PREX1: variants seen among roughly 807,000 people sequenced by gnomAD.
The protein encoded by PREX1 is phosphatidylinositol 3,4,5-trisphosphate-dependent Rac exchanger 1 protein.
In PREX1, 41 loss-of-function variants were observed where a neutral mutation model predicts 198.3. The ratio of observed to expected loss-of-function variants is 0.21; its 90% confidence interval spans 0.16 to 0.27. The LOEUF is 0.27. Among genes scored for constraint, PREX1 ranks in the 10% least tolerant of loss-of-function variants. PREX1 has a pLI of 1.00. For synonymous variants in PREX1, 843 were observed against 887.2 expected (o/e 0.95, Z 0.89); for missense variants, 1,620 against 2,200.7 (o/e 0.74, Z 5.28).
chr20:48,775,717 A>G (rs2090257979), intron 1 of PREX1, among the ~76,000 whole-genome samples: 1 of 152,130 alleles, frequency 6.6e-6, no homozygotes, highest in Admixed American at 6.5e-5. Context: ...ATGGCTTTAT[A>G]AGGTGCGGTT....
chr20:48,639,547 G>A (rs190301898), intron 30 of PREX1, among the ~76,000 whole-genome samples: 13 of 152,234 alleles, frequency 8.5e-5, no homozygotes, highest in Non-Finnish European at 1.6e-4. Context: ...GATAGAGACA[G>A]GGTCTCACTA....
At chr20:48,788,898 C>A (rs1395639721) in intron 1 of PREX1, among the ~76,000 whole-genome samples, 2 of 152,108 alleles carry the variant, frequency 1.3e-5, no homozygotes, top group African/African-American at 4.8e-5. Context: ...TGTGCTCAGC[C>A]CCCCTGCCAC....
At chr20:48,854,320 C>T in the PREX1 span, among the ~76,000 whole-genome samples, 26,322 of 152,156 alleles carry the variant, frequency 0.17, 2,350 homozygotes, top group Non-Finnish European at 0.19. Context: ...CAGAATTCTT[C>T]CTCCGGGAAG....
At chr20:48,698,839 C>T (rs2123063510) in intron 7 of PREX1, among the ~76,000 whole-genome samples, 1 of 152,334 alleles carries the variant, frequency 6.6e-6, no homozygotes, top group Non-Finnish European at 1.5e-5. Context: ...ATGTCCCAGG[C>T]ACACTCACAT....
At chr20:48,843,204 G>C in the PREX1 span, among the ~76,000 whole-genome samples, 1 of 152,284 alleles carries the variant, frequency 6.6e-6, no homozygotes, top group African/African-American at 2.4e-5. Context: ...AACCAGTTCA[G>C]GGAAAATACG....
At chr20:48,704,295 G>A (rs1227772314) in intron 6 of PREX1, among the ~76,000 whole-genome samples, 1 of 152,166 alleles carries the variant, frequency 6.6e-6, no homozygotes, top group African/African-American at 2.4e-5. Flanking sequence ...CTTTGCAATC[G>A]ATAGTCTAGA....
chr20:48,734,459 T>C (rs2090048130), intron 4 of PREX1, 87 bp downstream of exon 4: 7 of 1,142,984 alleles, frequency 6.1e-6, no homozygotes, highest in East Asian at 4.8e-5. Flanking sequence ...TTTGGCACCA[T>C]GGGGCAGCAT....
At chr20:48,646,301 C>T (rs1487143591) in intron 25 of PREX1, among the ~76,000 whole-genome samples, 2 of 152,220 alleles carry the variant, frequency 1.3e-5, no homozygotes, top group African/African-American at 4.8e-5. Flanking sequence ...TCAGTGACAA[C>T]CATTCAACCT....
chr20:48,883,922 C>T, the PREX1 span, among the ~76,000 whole-genome samples: 112 of 152,122 alleles, frequency 7.4e-4, no homozygotes, highest in Non-Finnish European at 1.4e-3. Context: ...GGGCAGATCA[C>T]GAGGTCAGCA....
At chr20:48,793,905 G>C (rs928006066) in intron 1 of PREX1, among the ~76,000 whole-genome samples, 1 of 152,202 alleles carries the variant, frequency 6.6e-6, no homozygotes, top group African/African-American at 2.4e-5. Flanking sequence ...CTAGGTCCAA[G>C]CCCTTCACAT....
At chr20:48,813,513 C>T (rs371964384) in intron 1 of PREX1, among the ~76,000 whole-genome samples, 16 of 152,230 alleles carry the variant, frequency 1.1e-4, no homozygotes, top group African/African-American at 3.6e-4. Context: ...TGTTGACTTG[C>T]CTGATTTTGT....
intron 1 of PREX1, among the ~76,000 whole-genome samples, chr20:48,757,577 C>T (rs909124441): frequency 6.6e-6 from 1 of 152,222 alleles, no homozygotes; most frequent in Non-Finnish European, 1.5e-5. Flanking sequence ...TGGAGCCTCA[C>T]CTTGCAAGTC....
chr20:48,813,143 G>A (rs1196277685), intron 1 of PREX1, among the ~76,000 whole-genome samples: 1 of 152,206 alleles, frequency 6.6e-6, no homozygotes, highest in Non-Finnish European at 1.5e-5. Flanking sequence ...CCCAGCATCT[G>A]GGCCAGGCAC....
At chr20:48,842,237 C>T in the PREX1 span, among the ~76,000 whole-genome samples, 3 of 152,098 alleles carry the variant, frequency 2.0e-5, no homozygotes, top group African/African-American at 4.8e-5. Context: ...GTGATTTAGG[C>T]GGCCACAGAC....
chr20:48,847,364 T>TAAAAAAAAAAA, the PREX1 span, among the ~76,000 whole-genome samples: 455 of 77,046 alleles, frequency 5.9e-3, 8 homozygotes, highest in African/African-American at 0.023. Flanking sequence ...CCTTCTCTTA[T>TAAAAAAAAAAA]AAAAAAAAAA....
chr20:48,865,686 T>A, the PREX1 span, among the ~76,000 whole-genome samples: 3 of 152,194 alleles, frequency 2.0e-5, no homozygotes, highest in Admixed American at 2.0e-4. Flanking sequence ...TCAACCTCTC[T>A]GTGCTCCAGT....
At position 48,733,705 on chromosome 20, in the gene PREX1, CTGTTGTTGT is replaced by C. The variant is rs71337454; in HGVS notation, c.519+832_519+840del. 2.1e-3 allele frequency among the ~76,000 whole-genome samples: 314 copies of C among 151,198 alleles called. 1 individual carries two copies. The highest frequency in any genetic ancestry group is 7.4e-3 in the African/African-American group (303 of 41,102). On this transcript the variant is annotated intron_variant, in intron 4 of 39. Coordinates refer to ENST00000371941, the MANE Select transcript of PREX1 (RefSeq NM_020820.4). ...GTAAATCCCTCTGTTGTTGTTGTTG[CTGTTGTTGT>C]TGTTGTTGTTTTGCTTCTGCCAGTT...
intron 38 of PREX1, 31 bp downstream of exon 38, chr20:48,627,830 G>A: frequency 1.9e-6 from 3 of 1,593,572 alleles, no homozygotes; most frequent in Non-Finnish European, 2.6e-6. Context: ...AGCCCAGGGT[G>A]CTGGAGGACC....
the PREX1 span, among the ~76,000 whole-genome samples, chr20:48,861,594 C>T: frequency 6.6e-6 from 1 of 152,226 alleles, no homozygotes; most frequent in Non-Finnish European, 1.5e-5. Context: ...GACAAAATGA[C>T]AGTGGAGGGA....
Sources: allele counts gnomAD v4.1 joint callset (sites outside exome capture counted in the v4.1 genomes callset), GRCh38; gene constraint gnomAD v4.1.1; transcripts MANE v1.5; gene names NCBI Gene and HGNC (gene_info 2026-07-23, HGNC 2026-07-21).